WWC2: variants seen among roughly 807,000 people sequenced by gnomAD.
The protein encoded by WWC2 is WW and C2 domain containing 2.
WWC2 carries 101 observed loss-of-function variants against 138.5 expected under a neutral mutation model. The ratio of observed to expected loss-of-function variants is 0.73; its 90% confidence interval spans 0.62 to 0.86. The LOEUF (loss-of-function observed/expected upper bound fraction) is 0.86. Ranked by LOEUF, WWC2 falls within the 40% of genes least tolerant of loss-of-function variation. The pLI, the probability that WWC2 is intolerant of heterozygous loss-of-function variation, is 0.00. For synonymous variants in WWC2, 558 were observed against 538.4 expected, an observed-to-expected ratio of 1.04 and a Z score of -0.50; for missense variants, 1,420 against 1,419.4, an observed-to-expected ratio of 1.00 and a Z score of -0.01.
chr4:183,267,190 A>C (rs920013213), intron 14 of WWC2, among the ~76,000 whole-genome samples: 2 of 152,060 alleles, frequency 1.3e-5, no homozygotes, highest in Admixed American at 1.3e-4. Flanking sequence ...GACAAGCATC[A>C]AAGCTGGAGG....
intron 8 of WWC2, among the ~76,000 whole-genome samples, chr4:183,252,621 C>G (rs1342967262): frequency 6.6e-6 from 1 of 152,206 alleles, no homozygotes; most frequent in Admixed American, 6.6e-5. Context: ...GTTGTCACTC[C>G]AGTGGTGTCA....
intron 2 of WWC2, among the ~76,000 whole-genome samples, chr4:183,204,269 TCAA>T (rs1360013696): frequency 2.0e-5 from 3 of 152,220 alleles, no homozygotes; most frequent in Non-Finnish European, 4.4e-5. Flanking sequence ...CAGACATCCA[TCAA>T]CAACAAACAG....
rs967944815 is a variant in WWC2, at chr4:183,317,873, T to G, written c.*2144T>G. 1 of 152,180 alleles carries G rather than the reference T, an allele frequency of 6.6e-6. No individual in the cohort carries two copies. The highest frequency in any genetic ancestry group is 6.5e-5 in the Admixed American group (1 of 15,282). The allele number at this position is 152,180 out of a possible 1,614,324, so 9.4% of individuals were successfully genotyped here. The stretch of plus-strand genomic sequence containing the variant: ...CAGTTGTGACCAAGATGCTTTTGGT[T>G]GTTGTATTTCACAAAATTTCCTCAT... On this transcript the variant is annotated 3_prime_UTR_variant, in exon 23 of 23. Transcript: ENST00000403733.
intron 17 of WWC2, among the ~76,000 whole-genome samples, chr4:183,281,819 G>A (rs80253769): frequency 0.014 from 2,150 of 152,184 alleles, 21 homozygotes; most frequent in Middle Eastern, 0.024. Flanking sequence ...TGATTATAAG[G>A]TTCATTATAG....
At position 183,311,778 on chromosome 4, in the gene WWC2, C is replaced by A. The variant is rs1162823786; in HGVS notation, c.3385-563C>A. 3.9e-5 allele frequency among the ~76,000 whole-genome samples: 6 copies of A among 151,956 alleles called. No individual in the cohort carries two copies. The East Asian group carries it at 9.7e-4, about 25-fold the overall frequency. Reference sequence around the variant, plus strand: ...ATTTTTAGTAGAGACGGGGTTTCACCGTGTTAGCCAGGATGGTCTCGATCT... The same window carrying A: ...ATTTTTAGTAGAGACGGGGTTTCACAGTGTTAGCCAGGATGGTCTCGATCT... On this transcript the variant is annotated intron_variant, in intron 21 of 22. Transcript: ENST00000403733.
intron 21 of WWC2, among the ~76,000 whole-genome samples, chr4:183,311,529 G>A (rs1372210049): frequency 6.6e-6 from 1 of 152,050 alleles, no homozygotes; most frequent in African/African-American, 2.4e-5. Flanking sequence ...GGTTACATGG[G>A]TGTGTTCAAT....
intron 16 of WWC2, among the ~76,000 whole-genome samples, chr4:183,273,701 G>A (rs545825899): frequency 6.6e-6 from 1 of 152,292 alleles, no homozygotes; most frequent in East Asian, 1.9e-4. Context: ...CTCTCATTCT[G>A]TGGATTGTCT....
At chr4:183,281,038 C>CT in intron 17 of WWC2, 141 bp downstream of exon 17, 1 of 1,250,418 alleles carries the variant, frequency 8.0e-7, no homozygotes, top group Non-Finnish European at 1.1e-6. Flanking sequence ...TAGGAAAAGT[C>CT]TTTCCTTGGT....
In WWC2 at chr4:183,284,220, T is replaced by G. The variant is rs1194074175; in HGVS notation, c.2884-6T>G. On this transcript the variant is annotated splice_region_variant and splice_polypyrimidine_tract_variant and intron_variant, in intron 18 of 22. Transcript: ENST00000403733. ...GCTCCTGACAAATTGTTAACTTCTCTTATAGGTTGACAAAGAGACAAACAC... is the reference window on the plus strand; with the variant it reads ...GCTCCTGACAAATTGTTAACTTCTCGTATAGGTTGACAAAGAGACAAACAC... 1.2e-6 allele frequency: 2 copies of G among 1,613,168 alleles called. No homozygotes were observed.
In WWC2 at chr4:183,200,868, G is replaced by C. The variant is rs146910354; in HGVS notation, c.242-7085G>C. 6.8e-3 allele frequency among the ~76,000 whole-genome samples: 1,028 copies of C among 152,264 alleles called. 16 individuals are homozygous for C. Among genetic ancestry groups the C allele is most frequent in the African/African-American group, 0.023 (964 of 41,548 alleles). On this transcript the variant is annotated intron_variant, in intron 2 of 22. Coordinates refer to ENST00000403733, the MANE Select transcript of WWC2 (RefSeq NM_024949.6). ...AGTAATATCTTGTCACTTATTCTAT[G>C]TTCTGTTCATTAGAAGCAAGCCATC...
In WWC2 at chr4:183,194,132, C is replaced by G. The variant is rs994727426; in HGVS notation, c.241+424C>G. Among the ~76,000 whole-genome samples the G allele has an allele frequency of 2.0e-5, 3 of 152,182 alleles. No homozygotes were observed. The East Asian group carries it at 5.8e-4, about 29-fold the overall frequency. On this transcript the variant is annotated intron_variant, in intron 2 of 22. Coordinates refer to ENST00000403733, the MANE Select transcript of WWC2 (RefSeq NM_024949.6). ...CTGGGACTGGGGAGGGGTTGGCCTGCATCAGTGGCTCTGGAAGACATAGCG... is the reference window on the plus strand; with the variant it reads ...CTGGGACTGGGGAGGGGTTGGCCTGGATCAGTGGCTCTGGAAGACATAGCG...
Position 183,316,823 on chromosome 4 carries a change from G to A in WWC2, c.*1094G>A, listed in dbSNP as rs1262041619. ...TCTATAATTTATGGTAAATAGTTGG[G>A]AGGCAAAGGGAAGAATGTGTGTGGG... On this transcript the variant is annotated 3_prime_UTR_variant, in exon 23 of 23. Transcript: ENST00000403733. 5.3e-5 allele frequency: 8 copies of A among 152,172 alleles called. No individual in the cohort carries two copies. The highest frequency in any genetic ancestry group is 1.9e-4 in the African/African-American group (8 of 41,432). The allele number at this position is 152,172 out of a possible 1,614,324, so 9.4% of individuals were successfully genotyped here. A position where few individuals can be genotyped will look rare whatever the true frequency, so the allele number is the denominator to read the frequency against.
chr4:183,319,949 C>T lies in WWC2; in HGVS notation c.*4220C>T, dbSNP rs750902357. On this transcript the variant is annotated 3_prime_UTR_variant, in exon 23 of 23. Coordinates refer to ENST00000403733, the MANE Select transcript of WWC2 (RefSeq NM_024949.6). Reference sequence around the variant, plus strand: ...CAGAGACCAGCAGGCCCAGAAATCCCAGCCCATTTGACAGAAACATTAAGA... The same window carrying T: ...CAGAGACCAGCAGGCCCAGAAATCCTAGCCCATTTGACAGAAACATTAAGA... The T allele has an allele frequency of 6.2e-7, 1 of 1,613,544 alleles. No homozygotes were observed. The highest frequency in any genetic ancestry group is 2.2e-5 in the East Asian group (1 of 44,874).
At chr4:183,295,860 A>G (rs1738616811) in intron 21 of WWC2, among the ~76,000 whole-genome samples, 1 of 152,208 alleles carries the variant, frequency 6.6e-6, no homozygotes, top group Non-Finnish European at 1.5e-5. Context: ...TCTCAGTGAC[A>G]GAAATAATGA....
rs75665936 is a variant in WWC2, at chr4:183,192,763, C to A, written c.132-836C>A. ...TAGAAAATGTGTTGACTGATGGTGG[C>A]CACACTCCAGCAAGGCATCTGTGGT... On this transcript the variant is annotated intron_variant, in intron 1 of 22. Transcript: ENST00000403733. 9.1e-4 allele frequency among the ~76,000 whole-genome samples: 138 copies of A among 152,170 alleles called. 2 individuals carry two copies. The East Asian group carries it at 0.021, about 23-fold the overall frequency.
chr4:183,291,303 G>C lies in WWC2; in HGVS notation c.3384+1668G>C, dbSNP rs1296050054. On this transcript the variant is annotated intron_variant, in intron 21 of 22. Transcript: ENST00000403733. ...AGGACTCTCCATTAGTAAAGGTCCA[G>C]ATGGGCTCCAGACAATGGAGGGCTG... is the stretch of plus-strand genomic sequence containing the variant. Among the ~76,000 whole-genome samples the C allele has an allele frequency of 3.3e-5, 5 of 152,320 alleles. No individual in the cohort carries two copies. The East Asian group carries it at 9.7e-4, about 29-fold the overall frequency.
At position 183,312,469 on chromosome 4, in the gene WWC2, G is replaced by T. The variant is rs1739289821; in HGVS notation, c.3512+1G>T. The stretch of plus-strand genomic sequence containing the variant: ...TGCCTCGGCAGGTGCAGTCCTTCAG[G>T]TGAATAGCCCCATCCAGGACAGCTT... On this transcript the variant is annotated splice_donor_variant, in intron 22 of 22. Transcript: ENST00000403733. LOFTEE classifies it high-confidence loss of function. 1 of 1,613,384 alleles carries T rather than the reference G, an allele frequency of 6.2e-7. No homozygotes were observed. The highest frequency in any genetic ancestry group is 1.3e-5 in the African/African-American group (1 of 74,924).
chr4:183,256,918 C>A (rs1442461711), intron 9 of WWC2, among the ~76,000 whole-genome samples: 1 of 144,214 alleles, frequency 6.9e-6, no homozygotes, highest in African/African-American at 2.6e-5. Context: ...CTGTTCCTGC[C>A]CCCACAGGGC....
chr4:183,152,991 G>T (rs1003687262), intron 1 of WWC2, among the ~76,000 whole-genome samples: 3 of 152,116 alleles, frequency 2.0e-5, no homozygotes, highest in African/African-American at 7.2e-5. Context: ...GAATCCCTGG[G>T]CTCAAGTGAT....
Sources: gnomAD v4.1 joint callset for allele counts (sites outside exome capture counted in the v4.1 genomes callset) on GRCh38, gnomAD v4.1.1 for gene constraint, MANE v1.5 for transcripts, NCBI Gene and HGNC (gene_info 2026-07-23, HGNC 2026-07-21) for gene names.